CAMK4: variants seen among roughly 807,000 people sequenced by gnomAD.
The protein encoded by CAMK4 is calcium/calmodulin-dependent protein kinase type IV.
A neutral mutation model predicts 44.9 loss-of-function variants in CAMK4; 22 were observed. That is an observed-to-expected ratio of 0.49 (90% CI 0.35 to 0.70). The LOEUF (loss-of-function observed/expected upper bound fraction) is 0.70, where lower values mean the gene tolerates loss of function less well. CAMK4 is among the 30% of genes least tolerant of loss of function. CAMK4 has a pLI of 0.01. For missense variants in CAMK4, 498 were observed against 586.8 expected (o/e 0.85, Z 1.56); for synonymous variants, 218 against 215.4 (o/e 1.01, Z -0.11).
chr5:111,370,919 A>C (rs1343288601), intron 2 of CAMK4, among the ~76,000 whole-genome samples: 2 of 150,680 alleles, frequency 1.3e-5, no homozygotes, highest in Non-Finnish European at 2.9e-5. Flanking sequence ...ATCTCAAAAA[A>C]CAAAAACAAA....
rs1453055584 is a variant in CAMK4, at chr5:111,494,795, C to T, written c.*10329C>T. On this transcript the variant is annotated 3_prime_UTR_variant, in exon 11 of 11. Transcript: ENST00000282356. Reference sequence around the variant, plus strand: ...GTTCACTCAGACAGACATGTCAGAACATGCCCAAAGAAGCCTATATCTTGC... The same window carrying T: ...GTTCACTCAGACAGACATGTCAGAATATGCCCAAAGAAGCCTATATCTTGC... 2 of 152,156 alleles carry T rather than the reference C, an allele frequency of 1.3e-5. No homozygotes were observed. The highest frequency in any genetic ancestry group is 2.9e-5 in the Non-Finnish European group (2 of 68,032). The allele number at this position is 152,156 out of a possible 1,614,324, so 9.4% of individuals were successfully genotyped here. A position where few individuals can be genotyped will look rare whatever the true frequency, so the allele number is the denominator to read the frequency against.
chr5:111,273,079 A>T (rs1750583504), intron 1 of CAMK4, among the ~76,000 whole-genome samples: 1 of 152,110 alleles, frequency 6.6e-6, no homozygotes, highest in Non-Finnish European at 1.5e-5. Context: ...AAGTCTGGAA[A>T]TTGTTGTCAT....
intron 1 of CAMK4, among the ~76,000 whole-genome samples, chr5:111,315,722 A>G (rs1748393118): frequency 6.6e-6 from 1 of 152,116 alleles, no homozygotes; most frequent in Non-Finnish European, 1.5e-5. Context: ...AGCTTGGAAA[A>G]AGCGATTTTC....
At chr5:111,285,216 C>T (rs1411763856) in intron 1 of CAMK4, among the ~76,000 whole-genome samples, 1 of 152,150 alleles carries the variant, frequency 6.6e-6, no homozygotes, top group Non-Finnish European at 1.5e-5. Context: ...AAGAAATATA[C>T]TAATGAACAG....
At chr5:111,426,652 C>T (rs1345366845) in intron 5 of CAMK4, among the ~76,000 whole-genome samples, 1 of 152,144 alleles carries the variant, frequency 6.6e-6, no homozygotes, top group East Asian at 1.9e-4. Flanking sequence ...CCCCCACCCC[C>T]AATGGTACCA....
At chr5:111,349,491 T>C (rs1750004154) in intron 2 of CAMK4, among the ~76,000 whole-genome samples, 1 of 151,974 alleles carries the variant, frequency 6.6e-6, no homozygotes, top group Non-Finnish European at 1.5e-5. Flanking sequence ...CTTTTTATTG[T>C]TGTTAAATGA....
chr5:111,473,446 T>G, intron 8 of CAMK4, 60 bp downstream of exon 8: 1 of 1,043,948 alleles, frequency 9.6e-7, no homozygotes, highest in Non-Finnish European at 1.5e-6. Flanking sequence ...ATTTTCTAGA[T>G]ACCTCTAATG....
intron 1 of CAMK4, among the ~76,000 whole-genome samples, chr5:111,308,750 C>G (rs1005664964): frequency 1.4e-4 from 22 of 152,030 alleles, no homozygotes; most frequent in African/African-American, 4.8e-4. Flanking sequence ...AGCTTTAGCC[C>G]TAAATACTGA....
chr5:111,330,366 C>T (rs1749112174), intron 1 of CAMK4, among the ~76,000 whole-genome samples: 1 of 151,596 alleles, frequency 6.6e-6, no homozygotes, highest in Admixed American at 6.6e-5. Context: ...GAGTGATACA[C>T]ACTGTAAATG....
At chr5:111,358,028 C>T (rs931191696) in intron 2 of CAMK4, 2 of 151,980 alleles carry the variant, frequency 1.3e-5, no homozygotes, top group Non-Finnish European at 2.9e-5. Context: ...GATTTTGGTC[C>T]AGATTTGGGA....
intron 5 of CAMK4, among the ~76,000 whole-genome samples, chr5:111,404,914 G>T (rs1294657625): frequency 7.2e-6 from 1 of 138,094 alleles, no homozygotes; most frequent in Admixed American, 7.6e-5. Flanking sequence ...TTTTGTTAAT[G>T]TTGGATAAGA....
rs191682753 is a variant in CAMK4, at chr5:111,326,433, G to T, written c.162-17591G>T. 4.3e-3 allele frequency among the ~76,000 whole-genome samples: 655 copies of T among 151,972 alleles called. 7 individuals are homozygous for T. Among genetic ancestry groups the T allele is most frequent in the African/African-American group, 0.015 (631 of 41,508 alleles). Reference sequence around the variant, plus strand: ...ATAGAAATAACCTTATATCTGTTAAGTAAATACATTTTCTATTAAAAGTCT... The same window carrying T: ...ATAGAAATAACCTTATATCTGTTAATTAAATACATTTTCTATTAAAAGTCT... On this transcript the variant is annotated intron_variant, in intron 1 of 10. Transcript: ENST00000282356.
chr5:111,468,659 C>A (rs964644682), intron 7 of CAMK4, among the ~76,000 whole-genome samples: 4 of 152,128 alleles, frequency 2.6e-5, no homozygotes, highest in Non-Finnish European at 4.4e-5. Flanking sequence ...TGGTTCTGAA[C>A]AAAGTCAATG....
intron 1 of CAMK4, among the ~76,000 whole-genome samples, chr5:111,238,932 C>T (rs887695214): frequency 6.7e-6 from 1 of 149,830 alleles, no homozygotes; most frequent in African/African-American, 2.5e-5. Flanking sequence ...CTCGTGCCTT[C>T]CAGGCACTAG....
chr5:111,405,635 T>C (rs1752396691), intron 5 of CAMK4, among the ~76,000 whole-genome samples: 1 of 152,106 alleles, frequency 6.6e-6, no homozygotes, highest in Admixed American at 6.6e-5. Flanking sequence ...AAGGTACATA[T>C]TGTGAGAACC....
chr5:111,273,537 T>C (rs975801776), intron 1 of CAMK4, among the ~76,000 whole-genome samples: 1 of 151,066 alleles, frequency 6.6e-6, no homozygotes, highest in African/African-American at 2.4e-5. Flanking sequence ...ATACATGTAT[T>C]CATTCTCATA....
At chr5:111,232,790 A>AG (rs1323549428) in intron 1 of CAMK4, among the ~76,000 whole-genome samples, 1 of 151,900 alleles carries the variant, frequency 6.6e-6, no homozygotes, top group East Asian at 1.9e-4. Flanking sequence ...TAAGGAAAAA[A>AG]CAATCCCATA....
chr5:111,276,537 G>A (rs1368817827), intron 1 of CAMK4, among the ~76,000 whole-genome samples: 1 of 152,136 alleles, frequency 6.6e-6, no homozygotes, highest in Middle Eastern at 3.2e-3. Context: ...AGTTCAGCCT[G>A]AGCAACATAA....
At chr5:111,397,357 G>A (rs1175344897) in intron 5 of CAMK4, among the ~76,000 whole-genome samples, 1 of 152,186 alleles carries the variant, frequency 6.6e-6, no homozygotes, top group African/African-American at 2.4e-5. Context: ...AGGGAAAAGA[G>A]GGTAACCAAC....
Sources: gnomAD v4.1 joint callset for allele counts (sites outside exome capture counted in the v4.1 genomes callset) on GRCh38, gnomAD v4.1.1 for gene constraint, MANE v1.5 for transcripts, NCBI Gene and HGNC (gene_info 2026-07-23, HGNC 2026-07-21) for gene names.